Variants in C7orf57 observed in about 807,000 individuals in gnomAD.
C7orf57 encodes the protein uncharacterized protein C7orf57.
Under a neutral mutation model 39.0 loss-of-function variants are expected in C7orf57, and 33 were observed. The observed-to-expected ratio is 0.85, with a 90% confidence interval of 0.64 to 1.13. The LOEUF (loss-of-function observed/expected upper bound fraction) is 1.13, where lower values mean the gene tolerates loss of function less well. C7orf57 is among the 50% of genes most tolerant of loss of function. The probability of loss-of-function intolerance (pLI) is 0.00; values close to 1 mark genes in which losing one functional copy is unlikely to be tolerated. For synonymous variants in C7orf57, 124 were observed against 137.1 expected, an observed-to-expected ratio of 0.90 and a Z score of 0.67; for missense variants, 346 against 362.3, an observed-to-expected ratio of 0.95 and a Z score of 0.37.
chr7:48,041,720 G>A (rs1354421348), intron 3 of C7orf57: 3 of 371,930 alleles, frequency 8.1e-6, no homozygotes, highest in Non-Finnish European at 1.4e-5. Flanking sequence ...AGAATAAATA[G>A]GCCAAATTCA....
At chr7:48,036,457 G>GC in intron 2 of C7orf57, 94 bp downstream of exon 2, 2 of 1,208,036 alleles carry the variant, frequency 1.7e-6, no homozygotes, top group Non-Finnish European at 2.3e-6. Context: ...CTCTATGTGG[G>GC]CTGGAGGGGG....
rs2128787888 is a variant in C7orf57 at position 48,035,561 on chromosome 7, C to G, written c.-171C>G. On this transcript the variant is annotated 5_prime_UTR_variant, in exon 1 of 9. Coordinates refer to ENST00000348904, the MANE Select transcript of C7orf57 (RefSeq NM_001100159.3). The surrounding 1 kb of genome is among the most constrained non-coding windows in gnomAD (Gnocchi z 4.0). The stretch of plus-strand genomic sequence containing the variant: ...GGAGTTTGGGTTTGGTTGGCTGCAG[C>G]CAGCCAGCCGTGTAAAAACTCCAAC... 1 of 698,126 alleles carries G rather than the reference C, an allele frequency of 1.4e-6. No homozygotes were observed. The highest frequency in any genetic ancestry group is 1.8e-5 in the African/African-American group (1 of 56,748). The allele number at this position is 698,126 out of a possible 1,614,324, so 43.2% of individuals were successfully genotyped here.
intron 5 of C7orf57, 91 bp from the exon 6 acceptor site, chr7:48,049,789 G>C: frequency 1.1e-6 from 1 of 890,528 alleles, no homozygotes; most frequent in Non-Finnish European, 1.8e-6. Context: ...CAGCCTATAA[G>C]CTTTGTATCT....
chr7:48,041,274 G>C, intron 2 of C7orf57, 60 bp from the exon 3 acceptor site: 1 of 1,496,562 alleles, frequency 6.7e-7, no homozygotes, highest in Non-Finnish European at 9.1e-7. Context: ...CTCTGGTAGA[G>C]GCCTAGAGGC....
At chr7:48,038,140 C>T (rs1055609138) in intron 2 of C7orf57, among the ~76,000 whole-genome samples, 4 of 151,924 alleles carry the variant, frequency 2.6e-5, no homozygotes, top group African/African-American at 9.7e-5. Flanking sequence ...TTTTCGAAAC[C>T]ATATAGTGTT....
chr7:48,045,196 A>G (rs866052900), intron 4 of C7orf57, among the ~76,000 whole-genome samples: 21 of 152,218 alleles, frequency 1.4e-4, no homozygotes, highest in African/African-American at 5.1e-4. Flanking sequence ...GCAGAGGATG[A>G]AGAGTGGGAA....
intron 4 of C7orf57, among the ~76,000 whole-genome samples, chr7:48,044,308 T>C (rs1485294226): frequency 6.6e-6 from 1 of 152,074 alleles, no homozygotes; most frequent in Non-Finnish European, 1.5e-5. Context: ...GAGTGTGCAG[T>C]TGCGAGATTT....
intron 6 of C7orf57, among the ~76,000 whole-genome samples, chr7:48,051,844 T>C (rs1484262265): frequency 1.1e-4 from 9 of 80,796 alleles, no homozygotes; most frequent in South Asian, 4.2e-4. Flanking sequence ...TCTTTCTTTC[T>C]TTCTTTCTTT....
chr7:48,051,759 TTTC>T (rs1790903253), intron 6 of C7orf57, among the ~76,000 whole-genome samples: 1 of 26,202 alleles, frequency 3.8e-5, no homozygotes, highest in African/African-American at 1.0e-4. Context: ...CTTTTCTTTC[TTTC>T]TTTCTTTCTT....
Position 48,052,766 on chromosome 7 carries a change from G to A in C7orf57, c.672G>A (p.Glu224=). The A allele has an allele frequency of 1.9e-6, 3 of 1,614,026 alleles. No individual in the cohort carries two copies. The highest frequency in any genetic ancestry group is 2.5e-6 in the Non-Finnish European group (3 of 1,179,898). Residue 224 remains glutamate, a synonymous_variant, in exon 7 of 9, where the codon GAG becomes GAA. Transcript: ENST00000348904. ...TCATTAGCAATGGTTATAAGGATGA[G>A]TGGTTGCAGCAGCAGCAGCGAGCTG... ...SKLISNGYKD[E]WLQQQQRADS... is the part of the protein sequence containing the mutation.
chr7:48,051,751 TTTCTTTCTTTC>T (rs1192215561), intron 6 of C7orf57, among the ~76,000 whole-genome samples: 13 of 9,650 alleles, frequency 1.3e-3, no homozygotes, highest in African/African-American at 2.9e-3. Context: ...TTCTTTTTCT[TTTCTTTCTTTC>T]TTTCTTTCTT....
chr7:48,035,615 G>T lies in C7orf57; in HGVS notation c.-117G>T. 1.5e-6 allele frequency: 1 copy of T among 689,396 alleles called. No homozygotes were observed. Among genetic ancestry groups the T allele is most frequent in the South Asian group, 1.5e-5 (1 of 66,156 alleles). 42.7% of individuals were successfully genotyped at this position (689,396 alleles called of 1,614,324 possible). On this transcript the variant is annotated 5_prime_UTR_variant, in exon 1 of 9. Transcript: ENST00000348904. This position sits in a 1 kb window ranked among gnomAD's most constrained non-coding sequence, Gnocchi z 4.0. ...GGGCGCCGCGGGCAGCACCCACGGA[G>T]ACCCGCGGGGAGCTGGTGAGCCTGA... is the stretch of plus-strand genomic sequence containing the variant.
chr7:48,050,100 C>A, intron 6 of C7orf57, 123 bp downstream of exon 6: 1 of 694,378 alleles, frequency 1.4e-6, no homozygotes, highest in Non-Finnish European at 2.6e-6. Context: ...CTGTCTGTGG[C>A]CTGGCCTGGC....
intron 2 of C7orf57, among the ~76,000 whole-genome samples, 194 bp from the exon 3 acceptor site, chr7:48,041,140 A>G (rs985031677): frequency 6.6e-6 from 1 of 152,152 alleles, no homozygotes; most frequent in African/African-American, 2.4e-5. Flanking sequence ...TGGGCAGTAG[A>G]GACTGGATTG....
rs1790722807 is a variant in C7orf57, at chr7:48,046,592, G to A, written c.483G>A (p.Glu161=). ...DMKTVWQREA[E]ELEKEKKKLR... is the part of the protein sequence containing the mutation. ...AAACAGTTTGGCAAAGAGAGGCTGAGGAACTTGAAAAGGAGAAAAAAAAGG... is the reference window on the plus strand; with the variant it reads ...AAACAGTTTGGCAAAGAGAGGCTGAAGAACTTGAAAAGGAGAAAAAAAAGG... Residue 161 remains glutamate (E), a synonymous_variant, in exon 5 of 9, where the codon GAG becomes GAA. Coordinates refer to ENST00000348904, the MANE Select transcript of C7orf57 (RefSeq NM_001100159.3). The A allele has an allele frequency of 1.2e-6, 2 of 1,613,512 alleles. No individual in the cohort carries two copies. Among genetic ancestry groups the A allele is most frequent in the Non-Finnish European group, 1.7e-6 (2 of 1,179,656 alleles).
intron 4 of C7orf57, among the ~76,000 whole-genome samples, chr7:48,043,858 G>A (rs1011775126): frequency 1.6e-4 from 24 of 152,086 alleles, no homozygotes; most frequent in Admixed American, 9.2e-4. Flanking sequence ...TGTTACCGGC[G>A]GGTCTTCGTT....
At position 48,052,813 on chromosome 7, in the gene C7orf57, A is replaced by C. The variant is rs1274343326; in HGVS notation, c.719A>C (p.Lys240Thr). 6.2e-7 allele frequency: 1 copy of C among 1,614,042 alleles called. No homozygotes were observed. The highest frequency in any genetic ancestry group is 1.7e-5 in the Admixed American group (1 of 60,028). ...QRADSDKRTPKTSRASVLSQS... is the reference protein window; with the variant it reads ...QRADSDKRTPTTSRASVLSQS... ...GCTGACTCAGACAAGAGGACCCCGA[A>C]GACCTCCAGGGCATCAGTGTTATCT... The change falls in exon 7 of 9, where the codon AAG (lysine) becomes ACG (threonine). Residue 240 changes from lysine to threonine, a missense_variant. Transcript: ENST00000348904.
chr7:48,054,232 TG>T (rs1177740379), intron 7 of C7orf57, among the ~76,000 whole-genome samples: 18 of 152,056 alleles, frequency 1.2e-4, no homozygotes, highest in Non-Finnish European at 1.5e-5. Flanking sequence ...CTGACCAACA[TG>T]GAGAAACCCC....
chr7:48,038,381 CAT>C (rs142265532), intron 2 of C7orf57, among the ~76,000 whole-genome samples: 297 of 129,016 alleles, frequency 2.3e-3, no homozygotes, highest in African/African-American at 8.2e-3. Context: ...TTTCTATATA[CAT>C]ATAGATAGAT....
Sources: allele counts gnomAD v4.1 joint callset (sites outside exome capture counted in the v4.1 genomes callset), GRCh38; gene constraint gnomAD v4.1.1; non-coding constraint Gnocchi (gnomAD v3.1); transcripts MANE v1.5; gene names NCBI Gene and HGNC (gene_info 2026-07-23, HGNC 2026-07-21).